Variants in PLCL1 observed in about 807,000 individuals in gnomAD.
PLCL1 encodes phospholipase C like 1 (inactive), also known as inactive phospholipase C-like protein 1.
PLCL1 carries 41 observed loss-of-function variants against 84.4 expected under a neutral mutation model. The observed-to-expected ratio is 0.49, with a 90% CI of 0.38 to 0.63. The LOEUF (loss-of-function observed/expected upper bound fraction) is 0.63. PLCL1 is among the 30% of genes least tolerant of loss of function. PLCL1 has a pLI of 0.00. For synonymous variants in PLCL1, 490 were observed against 488.3 expected, an observed-to-expected ratio of 1.00 and a Z score of -0.05; for missense variants, 1,206 against 1,367.8, an observed-to-expected ratio of 0.88 and a Z score of 1.87.
intron 1 of PLCL1, among the ~76,000 whole-genome samples, chr2:197,852,596 A>G (rs918067887): frequency 1.3e-5 from 2 of 152,126 alleles, no homozygotes; most frequent in Admixed American, 1.3e-4. Flanking sequence ...TTTTATACCG[A>G]TGGATTTTTC....
chr2:198,058,613 T>C (rs1692119610), intron 1 of PLCL1, among the ~76,000 whole-genome samples: 1 of 151,432 alleles, frequency 6.6e-6, no homozygotes, highest in Non-Finnish European at 1.5e-5. Context: ...TTAATAAATA[T>C]AATTAAGAAC....
chr2:198,031,207 C>CAAA (rs58115602), intron 1 of PLCL1, among the ~76,000 whole-genome samples: 19,631 of 79,336 alleles, frequency 0.25, 1,610 homozygotes, highest in Middle Eastern at 0.35. Context: ...CTTGTCTCTA[C>CAAA]AAAAAAAAAA....
intron 1 of PLCL1, among the ~76,000 whole-genome samples, chr2:198,066,199 T>C (rs1422859692): frequency 6.6e-6 from 1 of 152,204 alleles, no homozygotes; most frequent in African/African-American, 2.4e-5. Flanking sequence ...AGTTATCTCA[T>C]TCAGCCCCAT....
intron 1 of PLCL1, among the ~76,000 whole-genome samples, chr2:197,850,557 C>G (rs1687214877): frequency 6.6e-6 from 1 of 151,988 alleles, no homozygotes; most frequent in Admixed American, 6.6e-5. Context: ...GGGTTCAGTA[C>G]TTGATAAGAA....
chr2:197,846,777 A>G (rs1687126626), intron 1 of PLCL1, among the ~76,000 whole-genome samples: 1 of 152,156 alleles, frequency 6.6e-6, no homozygotes, highest in Non-Finnish European at 1.5e-5. Context: ...TGAGAAAGCA[A>G]CGAAGTCGCA....
chr2:198,140,519 G>A (rs1211780812), intron 5 of PLCL1, among the ~76,000 whole-genome samples: 1 of 152,164 alleles, frequency 6.6e-6, no homozygotes, highest in South Asian at 2.1e-4. Flanking sequence ...GATAAATAAA[G>A]CTATTGTAAC....
chr2:197,909,807 T>C (rs1318997948), intron 1 of PLCL1, among the ~76,000 whole-genome samples: 2 of 152,172 alleles, frequency 1.3e-5, no homozygotes, highest in Non-Finnish European at 2.9e-5. Context: ...TAAATATTCT[T>C]TGGGAAAATA....
chr2:198,050,203 A>T (rs1691892267), intron 1 of PLCL1, among the ~76,000 whole-genome samples: 1 of 152,188 alleles, frequency 6.6e-6, no homozygotes, highest in Admixed American at 6.5e-5. Context: ...TATTCAGGAC[A>T]TCTGTCTGCC....
intron 1 of PLCL1, among the ~76,000 whole-genome samples, chr2:198,066,126 G>A (rs1267772603): frequency 6.6e-6 from 1 of 152,078 alleles, no homozygotes; most frequent in Non-Finnish European, 1.5e-5. Flanking sequence ...AGCTCAAAAT[G>A]TTCTGCACTT....
At chr2:198,034,010 T>G (rs896697939) in intron 1 of PLCL1, among the ~76,000 whole-genome samples, 1 of 152,194 alleles carries the variant, frequency 6.6e-6, no homozygotes, top group African/African-American at 2.4e-5. Context: ...TTTCTTATTA[T>G]TATACTTTAA....
chr2:198,127,349 A>G (rs544662020), intron 5 of PLCL1, among the ~76,000 whole-genome samples: 1 of 152,334 alleles, frequency 6.6e-6, no homozygotes, highest in African/African-American at 2.4e-5. Flanking sequence ...TAAGTTGTGT[A>G]TATTAAAATT....
intron 1 of PLCL1, among the ~76,000 whole-genome samples, chr2:198,069,947 T>C (rs1347496392): frequency 1.3e-5 from 2 of 152,172 alleles, no homozygotes; most frequent in South Asian, 2.1e-4. Context: ...TAGAAGACAA[T>C]GAAAGACTTT....
chr2:197,895,129 G>A (rs956981572), intron 1 of PLCL1, among the ~76,000 whole-genome samples: 1 of 151,992 alleles, frequency 6.6e-6, no homozygotes, highest in East Asian at 1.9e-4. Context: ...TAATAAAAGA[G>A]ATACAAGTGC....
At chr2:198,003,562 T>G (rs1034870750) in intron 1 of PLCL1, among the ~76,000 whole-genome samples, 4 of 152,238 alleles carry the variant, frequency 2.6e-5, no homozygotes, top group African/African-American at 9.6e-5. Flanking sequence ...ACCTTCTACT[T>G]AAGACAGAAG....
chr2:197,957,986 C>T (rs1689525327), intron 1 of PLCL1, among the ~76,000 whole-genome samples: 1 of 151,856 alleles, frequency 6.6e-6, no homozygotes, highest in African/African-American at 2.4e-5. Context: ...CAAAGTGATC[C>T]CAAGTTTATT....
At chr2:197,955,313 C>G (rs1434214106) in intron 1 of PLCL1, among the ~76,000 whole-genome samples, 1 of 151,932 alleles carries the variant, frequency 6.6e-6, no homozygotes, top group Non-Finnish European at 1.5e-5. Flanking sequence ...CAGTGATGGT[C>G]CTTGACAGTC....
chr2:198,130,173 G>A (rs1300694684), intron 5 of PLCL1, among the ~76,000 whole-genome samples: 1 of 151,852 alleles, frequency 6.6e-6, no homozygotes, highest in Non-Finnish European at 1.5e-5. Context: ...TTTATGTTTT[G>A]TAGAGATAGA....
At chr2:197,896,243 C>A (rs1392677788) in intron 1 of PLCL1, among the ~76,000 whole-genome samples, 1 of 151,830 alleles carries the variant, frequency 6.6e-6, no homozygotes, top group African/African-American at 2.4e-5. Context: ...CAAATTAATA[C>A]CAAATTCCGT....
intron 1 of PLCL1, among the ~76,000 whole-genome samples, chr2:198,067,350 A>G (rs1047005082): frequency 7.9e-5 from 12 of 151,610 alleles, no homozygotes; most frequent in African/African-American, 2.9e-4. Context: ...CTGGTCTCGA[A>G]CTCCTAACCT....
Sources: gnomAD v4.1 joint callset for allele counts (sites outside exome capture counted in the v4.1 genomes callset) on GRCh38, gnomAD v4.1.1 for gene constraint, MANE v1.5 for transcripts, NCBI Gene and HGNC (gene_info 2026-07-23, HGNC 2026-07-21) for gene names.